Variants in HNRNPR observed in about 807,000 individuals in gnomAD.
The protein encoded by HNRNPR is heterogeneous nuclear ribonucleoprotein R.
In HNRNPR, 4 loss-of-function variants were observed where a neutral mutation model predicts 70.3. The observed-to-expected ratio is 0.06, with a 90% CI of 0.03 to 0.13. The LOEUF (loss-of-function observed/expected upper bound fraction) is 0.13. Among genes scored for constraint, HNRNPR ranks in the 10% least tolerant of loss-of-function variants. HNRNPR has a pLI of 1.00. For missense variants in HNRNPR, 423 were observed against 788.5 expected (o/e 0.54, Z 5.55); for synonymous variants, 241 against 267.6 (o/e 0.90, Z 0.97).
At chr1:23,321,810 T>C in intron 6 of HNRNPR, 147 bp from the exon 7 acceptor site, 1 of 700,732 alleles carries the variant, frequency 1.4e-6, no homozygotes, top group Non-Finnish European at 2.2e-6. Flanking sequence ...AATATGAATG[T>C]ATATTTTAAA....
At chr1:23,327,652 T>C (rs1570027551) in intron 5 of HNRNPR, among the ~76,000 whole-genome samples, 3 of 152,152 alleles carry the variant, frequency 2.0e-5, no homozygotes, top group South Asian at 4.1e-4. Flanking sequence ...ATCACGCCAC[T>C]GCACTCCAGC....
At chr1:23,332,253 T>C (rs912114284) in intron 5 of HNRNPR, among the ~76,000 whole-genome samples, 1 of 152,178 alleles carries the variant, frequency 6.6e-6, no homozygotes, top group Non-Finnish European at 1.5e-5. Context: ...TGTTCAAGTA[T>C]GGACTAACAT....
intron 7 of HNRNPR, among the ~76,000 whole-genome samples, chr1:23,320,782 A>G (rs990587696): frequency 2.7e-4 from 41 of 152,370 alleles, no homozygotes; most frequent in African/African-American, 9.6e-4. Flanking sequence ...CAGTTTTGTT[A>G]AATTGTTTCA....
At chr1:23,332,479 G>A (rs561905310) in intron 5 of HNRNPR, among the ~76,000 whole-genome samples, 2 of 151,594 alleles carry the variant, frequency 1.3e-5, no homozygotes, top group South Asian at 2.1e-4. Flanking sequence ...AAGGCAGGTG[G>A]ATCACCTGAG....
chr1:23,327,995 C>CAAAAAAA (rs11345105), intron 5 of HNRNPR, among the ~76,000 whole-genome samples: 9 of 118,658 alleles, frequency 7.6e-5, no homozygotes, highest in East Asian at 2.4e-4. Flanking sequence ...GACTCTGTCT[C>CAAAAAAA]AAAAAAAAAA....
chr1:23,330,262 CG>C (rs1490238003), intron 5 of HNRNPR, among the ~76,000 whole-genome samples: 1 of 151,984 alleles, frequency 6.6e-6, no homozygotes, highest in Non-Finnish European at 1.5e-5. Context: ...CTTGGCCAGG[CG>C]AGGTTGCTCA....
At chr1:23,323,759 C>A in intron 5 of HNRNPR, 27 bp from the exon 6 acceptor site, 1 of 1,592,380 alleles carries the variant, frequency 6.3e-7, no homozygotes, top group Non-Finnish European at 8.6e-7. Flanking sequence ...TTATTAGAAT[C>A]CAACATAAGC....
At chr1:23,326,042 G>A (rs1051748996) in intron 5 of HNRNPR, among the ~76,000 whole-genome samples, 4 of 152,018 alleles carry the variant, frequency 2.6e-5, no homozygotes, top group Non-Finnish European at 4.4e-5. Flanking sequence ...TGGGGGTGGC[G>A]GTTGGGGGAA....
chr1:23,328,418 T>C (rs1557888380), intron 5 of HNRNPR, among the ~76,000 whole-genome samples: 1 of 152,210 alleles, frequency 6.6e-6, no homozygotes, highest in Non-Finnish European at 1.5e-5. Context: ...GTGGTAAGAA[T>C]GTGAGCAACA....
At position 23,318,498 on chromosome 1, in the gene HNRNPR, T is replaced by C. The variant is rs1645635847; in HGVS notation, c.1002A>G (p.Pro334=). The C allele has an allele frequency of 4.3e-6, 7 of 1,614,166 alleles. No homozygotes were observed. Among genetic ancestry groups the C allele is most frequent in the Non-Finnish European group, 4.2e-6 (5 of 1,179,972 alleles). ...EWADPVEEPD[P]EVMAKVKVLF... is the part of the protein sequence containing the mutation. The stretch of plus-strand genomic sequence containing the variant: ...CTGTATTTACCTTAGCCATGACTTC[T>C]GGATCTGGTTCTTCCACAGGGTCAG... Residue 334 remains proline (P), a synonymous_variant, in exon 8 of 11, where the codon CCA becomes CCG. Coordinates refer to ENST00000302271, the MANE Select transcript of HNRNPR (RefSeq NM_005826.5). This position sits in a 1 kb window ranked among gnomAD's most constrained non-coding sequence, Gnocchi z 4.2.
At chr1:23,314,874 A>G (rs642706) in intron 8 of HNRNPR, among the ~76,000 whole-genome samples, 46,890 of 152,044 alleles carry the variant, frequency 0.31, 9,416 homozygotes, top group African/African-American at 0.56. Context: ...TGTATCAACT[A>G]ACATAAGCTT....
chr1:23,334,728 T>C (rs942846899), intron 4 of HNRNPR, among the ~76,000 whole-genome samples: 1 of 152,228 alleles, frequency 6.6e-6, no homozygotes, highest in African/African-American at 2.4e-5. Context: ...TTGTGTTTCC[T>C]GATTACCAAC....
intron 5 of HNRNPR, among the ~76,000 whole-genome samples, chr1:23,329,708 T>C (rs1395994810): frequency 6.6e-6 from 1 of 152,230 alleles, no homozygotes; most frequent in Non-Finnish European, 1.5e-5. Context: ...AACAGCTCAC[T>C]GTAGTGACCT....
At chr1:23,332,163 G>C (rs970736204) in intron 5 of HNRNPR, among the ~76,000 whole-genome samples, 1 of 152,108 alleles carries the variant, frequency 6.6e-6, no homozygotes, top group African/African-American at 2.4e-5. Flanking sequence ...GAGGAGAAGA[G>C]AAGGAAGGAA....
rs1469848519 is a variant in HNRNPR at position 23,308,973 on chromosome 1, T to C, written c.*1481A>G. 4 of 152,074 alleles carry C rather than the reference T, an allele frequency of 2.6e-5. No homozygotes were observed. The highest frequency in any genetic ancestry group is 7.2e-5 in the African/African-American group (3 of 41,440). 9.4% of individuals were successfully genotyped at this position (152,074 alleles called of 1,614,324 possible). The stretch of plus-strand genomic sequence containing the variant: ...GAATAAGATGGAGGGGAAAACTTAA[T>C]AGTAATTTGAAAGTGATTCACTTTT... On this transcript the variant is annotated 3_prime_UTR_variant, in exon 11 of 11. Transcript: ENST00000302271.
At chr1:23,313,440 A>T in intron 9 of HNRNPR, 113 bp downstream of exon 9, 1 of 709,206 alleles carries the variant, frequency 1.4e-6, no homozygotes, top group Non-Finnish European at 2.4e-6. Context: ...AAATAGAAAG[A>T]GTTCAGCAAA....
chr1:23,327,110 C>CTCTTA (rs1453709764), intron 5 of HNRNPR, among the ~76,000 whole-genome samples: 1 of 152,182 alleles, frequency 6.6e-6, no homozygotes, highest in East Asian at 1.9e-4. Flanking sequence ...CTTCCATAAA[C>CTCTTA]AGACATCTCA....
chr1:23,316,988 T>G (rs1645569450), intron 8 of HNRNPR, among the ~76,000 whole-genome samples: 1 of 151,906 alleles, frequency 6.6e-6, no homozygotes, highest in East Asian at 1.9e-4. Context: ...TAAACCAGAG[T>G]TCTCCTCCAA....
At chr1:23,337,901 A>G (rs1256564538) in intron 3 of HNRNPR, 40 bp from the exon 4 acceptor site, 1 of 1,219,562 alleles carries the variant, frequency 8.2e-7, no homozygotes, top group Non-Finnish European at 1.2e-6. Flanking sequence ...AATCACCAAA[A>G]ATATCTGAAG....
Sources: allele counts gnomAD v4.1 joint callset (sites outside exome capture counted in the v4.1 genomes callset), GRCh38; gene constraint gnomAD v4.1.1; non-coding constraint Gnocchi (gnomAD v3.1); transcripts MANE v1.5; gene names NCBI Gene and HGNC (gene_info 2026-07-23, HGNC 2026-07-21).